Variants in SPIN1 observed in about 807,000 individuals in gnomAD.
The protein encoded by SPIN1 is spindlin-1.
SPIN1 carries 3 observed loss-of-function variants against 26.0 expected under a neutral mutation model. The ratio of observed to expected loss-of-function variants is 0.12; its 90% CI spans 0.05 to 0.30. SPIN1 has a LOEUF of 0.30. Among genes scored for constraint, SPIN1 ranks in the 10% least tolerant of loss-of-function variants. The pLI is 1.00. For missense variants in SPIN1, 126 were observed against 333.4 expected (o/e 0.38, Z 4.84); for synonymous variants, 101 against 116.5 (o/e 0.87, Z 0.86).
At chr9:88,420,860 T>C (rs1827655595) in intron 1 of SPIN1, among the ~76,000 whole-genome samples, 2 of 152,184 alleles carry the variant, frequency 1.3e-5, no homozygotes, top group Admixed American at 1.3e-4. Flanking sequence ...TGAAAATAAT[T>C]TAAAAACTTC....
chr9:88,410,487 C>T (rs1438208832), intron 1 of SPIN1: 2 of 741,652 alleles, frequency 2.7e-6, no homozygotes, highest in African/African-American at 1.7e-5. Context: ...GCTTCTCTGT[C>T]ACTTCTCTGG....
At chr9:88,399,305 T>A (rs1448776216) in intron 1 of SPIN1, among the ~76,000 whole-genome samples, 2 of 152,226 alleles carry the variant, frequency 1.3e-5, no homozygotes, top group Non-Finnish European at 2.9e-5. Context: ...GTGCTGGGAT[T>A]ACAGGCGTGA....
intron 2 of SPIN1, among the ~76,000 whole-genome samples, chr9:88,428,647 AT>A (rs964328353): frequency 1.3e-5 from 2 of 151,970 alleles, no homozygotes; most frequent in African/African-American, 4.8e-5. Flanking sequence ...AAAAGATTTT[AT>A]TTTTTTTAAA....
intron 1 of SPIN1, among the ~76,000 whole-genome samples, chr9:88,390,310 C>A (rs909062662): frequency 6.6e-6 from 1 of 152,166 alleles, no homozygotes; most frequent in Non-Finnish European, 1.5e-5. Context: ...TACTTGTGAA[C>A]TGAGGGGTCA....
At chr9:88,409,228 CAG>C (rs1827385595) in intron 1 of SPIN1, among the ~76,000 whole-genome samples, 1 of 150,268 alleles carries the variant, frequency 6.7e-6, no homozygotes, top group Non-Finnish European at 1.5e-5. Flanking sequence ...CTCCTGACCT[CAG>C]GTGATCTGCC....
chr9:88,449,255 G>A (rs1196880360), intron 3 of SPIN1, among the ~76,000 whole-genome samples: 1 of 151,992 alleles, frequency 6.6e-6, no homozygotes, highest in African/African-American at 2.4e-5. Flanking sequence ...TATGGTAAGT[G>A]TGGCAGGTGC....
chr9:88,464,264 G>A (rs1307316976), intron 4 of SPIN1, among the ~76,000 whole-genome samples: 1 of 152,058 alleles, frequency 6.6e-6, no homozygotes, highest in Non-Finnish European at 1.5e-5. Context: ...AAGTAATTGC[G>A]GTTTTTGACA....
intron 1 of SPIN1, among the ~76,000 whole-genome samples, chr9:88,408,908 C>T (rs977821054): frequency 5.9e-5 from 9 of 151,822 alleles, no homozygotes; most frequent in East Asian, 3.9e-4. Context: ...GTGATCCGCC[C>T]GCCTGGGCCT....
chr9:88,411,543 T>G, intron 1 of SPIN1: 1 of 628,212 alleles, frequency 1.6e-6, no homozygotes, highest in Non-Finnish European at 2.8e-6. Flanking sequence ...AGACAGAATC[T>G]CACTTTGTCA....
chr9:88,411,367 GCTC>G, intron 1 of SPIN1: 1 of 1,568,506 alleles, frequency 6.4e-7, no homozygotes, highest in Non-Finnish European at 8.7e-7. Context: ...GCTCAAAATG[GCTC>G]CTCAGGCTCT....
chr9:88,413,096 T>G (rs2117968248), intron 1 of SPIN1, among the ~76,000 whole-genome samples: 1 of 151,412 alleles, frequency 6.6e-6, no homozygotes, highest in African/African-American at 2.4e-5. Context: ...AGATGGAGTT[T>G]TGCTCTGTTG....
chr9:88,475,435 G>A lies in SPIN1; in HGVS notation c.*158G>A. 1.6e-6 allele frequency: 1 copy of A among 617,330 alleles called. No homozygotes were observed. The highest frequency in any genetic ancestry group is 2.6e-6 in the Non-Finnish European group (1 of 379,168). The allele number at this position is 617,330 out of a possible 1,614,324, so 38.2% of individuals were successfully genotyped here. ...GGTTTTGTTCTGAATAGTACAGATT[G>A]ATGTGAACACAAAGCATTTTGTGTA... On this transcript the variant is annotated 3_prime_UTR_variant, in exon 6 of 6. Transcript: ENST00000375859.
At chr9:88,409,905 TA>T (rs1456136607) in intron 1 of SPIN1, among the ~76,000 whole-genome samples, 1 of 152,148 alleles carries the variant, frequency 6.6e-6, no homozygotes, top group Non-Finnish European at 1.5e-5. Flanking sequence ...CCCTCCTTCT[TA>T]AGTTCAGCAA....
chr9:88,476,836 A>T lies in SPIN1; in HGVS notation c.*1559A>T, dbSNP rs1484758434. 1 of 152,176 alleles carries T rather than the reference A, an allele frequency of 6.6e-6. No individual in the cohort carries two copies. The highest frequency in any genetic ancestry group is 2.4e-5 in the African/African-American group (1 of 41,434). The allele number at this position is 152,176 out of a possible 1,614,324, so 9.4% of individuals were successfully genotyped here. On this transcript the variant is annotated 3_prime_UTR_variant, in exon 6 of 6. Transcript: ENST00000375859. ...GAAATCCTCCCTGATATTTGGGCAG[A>T]GCCTAAACGTGCATGCTTGTCACTC...
At chr9:88,406,951 TG>T (rs1827323825) in intron 1 of SPIN1, among the ~76,000 whole-genome samples, 1 of 152,142 alleles carries the variant, frequency 6.6e-6, no homozygotes, top group Non-Finnish European at 1.5e-5. Context: ...AGGTTTAATT[TG>T]TATTTTCAAT....
rs146633353 is a variant in SPIN1, at chr9:88,443,550, C to T, written c.53-5391C>T. Among the ~76,000 whole-genome samples, 13 of 152,228 alleles carry T rather than the reference C, an allele frequency of 8.5e-5. No homozygotes were observed. The East Asian group carries it at 1.7e-3, about 20-fold the overall frequency. On this transcript the variant is annotated intron_variant, in intron 2 of 5. Coordinates refer to ENST00000375859, the MANE Select transcript of SPIN1 (RefSeq NM_006717.3). Reference sequence around the variant, plus strand: ...AAATTAACAGATGTAGTTGGTAATTCCCTGCCTAGTTGAGTCTGGTTCTGA... The same window carrying T: ...AAATTAACAGATGTAGTTGGTAATTTCCTGCCTAGTTGAGTCTGGTTCTGA...
intron 1 of SPIN1, among the ~76,000 whole-genome samples, chr9:88,401,732 G>A (rs1315974085): frequency 2.6e-5 from 4 of 152,080 alleles, no homozygotes; most frequent in African/African-American, 9.7e-5. Flanking sequence ...AGAGGCCAAG[G>A]GCCAACTATA....
rs1587783837 is a variant in SPIN1 at position 88,415,223 on chromosome 9, A to G, written c.-158-11159A>G. Among the ~76,000 whole-genome samples the G allele has an allele frequency of 2.0e-5, 3 of 152,236 alleles. 1 individual carries two copies. The East Asian group carries it at 5.8e-4, about 29-fold the overall frequency. On this transcript the variant is annotated intron_variant, in intron 1 of 5. Coordinates refer to ENST00000375859, the MANE Select transcript of SPIN1 (RefSeq NM_006717.3). ...CTGGCCTAATAATTTTTATATTGAT[A>G]GAGAATTTGGGCTCTGAAGGCCTTC...
chr9:88,442,936 A>G (rs1366748196), intron 2 of SPIN1, among the ~76,000 whole-genome samples: 2 of 151,148 alleles, frequency 1.3e-5, no homozygotes, highest in Non-Finnish European at 2.9e-5. Flanking sequence ...CCTGACCAAC[A>G]TGGTGAAACC....
Sources: allele counts gnomAD v4.1 joint callset (sites outside exome capture counted in the v4.1 genomes callset), GRCh38; gene constraint gnomAD v4.1.1; transcripts MANE v1.5; gene names NCBI Gene and HGNC (gene_info 2026-07-23, HGNC 2026-07-21).